The following MAF variants were observed in gnomAD, a reference collection of about 807,000 sequenced individuals.
MAF encodes the protein transcription factor Maf.
MAF carries 10 observed loss-of-function variants against 22.0 expected under a neutral mutation model. The ratio of observed to expected loss-of-function variants is 0.45; its 90% confidence interval spans 0.28 to 0.77. The LOEUF is 0.77. Ranked by LOEUF, MAF falls within the 30% of genes least tolerant of loss-of-function variation. The pLI is 0.12. For missense variants in MAF, 544 were observed against 548.4 expected, an observed-to-expected ratio of 0.99 and a Z score of 0.08; for synonymous variants, 337 against 255.8, an observed-to-expected ratio of 1.32 and a Z score of -3.03.
At chr16:79,219,384 C>T in the MAF span, among the ~76,000 whole-genome samples, 47 of 152,046 alleles carry the variant, frequency 3.1e-4, no homozygotes, top group East Asian at 7.0e-3. Flanking sequence ...TTAAGACTCA[C>T]AGCTTTTGTA....
chr16:79,526,228 G>A, the MAF span, among the ~76,000 whole-genome samples: 260 of 152,246 alleles, frequency 1.7e-3, 1 homozygote, highest in Non-Finnish European at 2.1e-3. Flanking sequence ...CCATGGATGG[G>A]TGTTGAGGGG....
chr16:79,305,919 C>A, the MAF span, among the ~76,000 whole-genome samples: 5 of 152,170 alleles, frequency 3.3e-5, no homozygotes, highest in Admixed American at 3.3e-4. Flanking sequence ...TTTCTGCCAC[C>A]CAAGTCCTGG....
the MAF span, among the ~76,000 whole-genome samples, chr16:79,531,091 A>C: frequency 6.6e-6 from 1 of 152,364 alleles, no homozygotes; most frequent in African/African-American, 2.4e-5. Context: ...ATGGTGTTAA[A>C]GTATGTACTC....
At chr16:79,241,361 G>A in the MAF span, among the ~76,000 whole-genome samples, 1 of 152,078 alleles carries the variant, frequency 6.6e-6, no homozygotes, top group Non-Finnish European at 1.5e-5. Flanking sequence ...ACATGATTGA[G>A]CTGAAAAACA....
rs1567568586 is a variant in MAF, at chr16:79,599,906, CCTG to C, written c.-7_-5del. ...TCATTGCCAGTTCTGATGCCATTCT[CCTG>C]CCGCCGCCGCCGCCGCCGCCGCCGC... On this transcript the variant is annotated 5_prime_UTR_variant, in exon 1 of 2. Transcript: ENST00000326043. 11 of 1,517,758 alleles carry C rather than the reference CCTG, an allele frequency of 7.2e-6. No individual in the cohort carries two copies. Among genetic ancestry groups the C allele is most frequent in the South Asian group, 1.1e-5 (1 of 88,968 alleles). 94.0% of individuals were successfully genotyped at this position (1,517,758 alleles called of 1,614,324 possible). A position where few individuals can be genotyped will look rare whatever the true frequency, so the allele number is the denominator to read the frequency against.
chr16:79,552,900 G>C, the MAF span, among the ~76,000 whole-genome samples: 1 of 152,180 alleles, frequency 6.6e-6, no homozygotes, highest in Non-Finnish European at 1.5e-5. Context: ...CAATCTACCA[G>C]ACACCATTTT....
downstream of MAF, among the ~76,000 whole-genome samples, chr16:79,590,098 G>A (rs777159512): frequency 6.6e-6 from 1 of 152,160 alleles, no homozygotes; most frequent in African/African-American, 2.4e-5. Context: ...CCAGCCCCAC[G>A]CAGCTGCAGC....
the MAF span, among the ~76,000 whole-genome samples, chr16:79,207,224 C>G: frequency 1.3e-5 from 2 of 152,230 alleles, no homozygotes; most frequent in East Asian, 3.9e-4. Flanking sequence ...GGTGTATTCA[C>G]AGAGTCAATG....
At chr16:79,243,378 G>C in the MAF span, among the ~76,000 whole-genome samples, 4 of 151,806 alleles carry the variant, frequency 2.6e-5, no homozygotes, top group African/African-American at 9.7e-5. Context: ...AAATGAAAAA[G>C]GGGATATCGC....
the MAF span, among the ~76,000 whole-genome samples, chr16:79,519,381 G>T: frequency 6.6e-6 from 1 of 152,186 alleles, no homozygotes; most frequent in East Asian, 1.9e-4. Context: ...GCCCATGATG[G>T]AGAGAACATC....
chr16:79,556,479 A>G, the MAF span, among the ~76,000 whole-genome samples: 1 of 152,202 alleles, frequency 6.6e-6, no homozygotes, highest in Admixed American at 6.5e-5. Context: ...TGAACCCACA[A>G]TAATAACCCT....
At chr16:79,370,130 G>A in the MAF span, among the ~76,000 whole-genome samples, 1 of 152,284 alleles carries the variant, frequency 6.6e-6, no homozygotes, top group East Asian at 1.9e-4. Context: ...CCTTCCCCAG[G>A]AGGCTAATTG....
chr16:79,463,018 G>A, the MAF span, among the ~76,000 whole-genome samples: 2 of 152,184 alleles, frequency 1.3e-5, no homozygotes, highest in Non-Finnish European at 2.9e-5. Flanking sequence ...CCCACTCTAG[G>A]GAGTGAATAT....
the MAF span, among the ~76,000 whole-genome samples, chr16:79,242,788 G>C: frequency 2.0e-5 from 3 of 151,926 alleles, no homozygotes; most frequent in African/African-American, 4.8e-5. Flanking sequence ...TTCTAAAATT[G>C]ACCACATAAT....
the MAF span, among the ~76,000 whole-genome samples, chr16:79,535,408 T>C: frequency 6.1e-4 from 92 of 150,988 alleles, no homozygotes; most frequent in Admixed American, 1.9e-3. Flanking sequence ...CCACTTCTGC[T>C]TGTTTTATGG....
At chr16:79,477,872 G>A in the MAF span, among the ~76,000 whole-genome samples, 32 of 151,746 alleles carry the variant, frequency 2.1e-4, no homozygotes, top group South Asian at 6.3e-4. Context: ...CTACAGGCGC[G>A]TGCCACCAGG....
chr16:79,536,401 G>A, the MAF span, among the ~76,000 whole-genome samples: 5 of 152,214 alleles, frequency 3.3e-5, no homozygotes, highest in Admixed American at 3.3e-4. Context: ...CCAGCACTTG[G>A]GGAGGCCGAG....
At chr16:79,586,698 A>C (rs933402623) in intron 1 of MAF, among the ~76,000 whole-genome samples, 7 of 152,240 alleles carry the variant, frequency 4.6e-5, no homozygotes, top group Admixed American at 1.3e-4. Flanking sequence ...TAAGTGGCAA[A>C]ATAATTATCA....
chr16:79,404,541 C>G, the MAF span, among the ~76,000 whole-genome samples: 1 of 152,140 alleles, frequency 6.6e-6, no homozygotes, highest in Non-Finnish European at 1.5e-5. Context: ...TGACAGGTGT[C>G]CTGAGACCTG....
Sources: allele counts gnomAD v4.1 joint callset (sites outside exome capture counted in the v4.1 genomes callset), GRCh38; gene constraint gnomAD v4.1.1; transcripts MANE v1.5; gene names NCBI Gene and HGNC (gene_info 2026-07-23, HGNC 2026-07-21).